The following SAMD12 variants were observed in gnomAD, a reference collection of about 807,000 sequenced individuals.
SAMD12 encodes the protein sterile alpha motif domain-containing protein 12.
Under a neutral mutation model 15.0 loss-of-function variants are expected in SAMD12, and 9 were observed. That is an observed-to-expected ratio of 0.60 (90% confidence interval 0.36 to 1.05). The LOEUF (loss-of-function observed/expected upper bound fraction) is 1.05. Ranked by LOEUF, SAMD12 falls within the 50% of genes least tolerant of loss-of-function variation. SAMD12 has a pLI of 0.01. For missense variants in SAMD12, 230 were observed against 234.2 expected, an observed-to-expected ratio of 0.98 and a Z score of 0.12; for synonymous variants, 86 against 90.1, an observed-to-expected ratio of 0.96 and a Z score of 0.25.
intron 1 of SAMD12, chr8:118,621,596 T>C (rs1265781160): frequency 1.9e-5 from 12 of 616,328 alleles, no homozygotes; most frequent in East Asian, 8.2e-5. Context: ...CCTACGCACC[T>C]ACCCTTCACG....
intron 1 of SAMD12, among the ~76,000 whole-genome samples, chr8:118,583,579 CT>C (rs550221688): frequency 1.3e-3 from 191 of 152,188 alleles, no homozygotes; most frequent in African/African-American, 4.6e-3. Context: ...TTCTCTTCCC[CT>C]ATCACCTCCC....
At chr8:118,414,141 TAA>T (rs1455386331) in intron 3 of SAMD12, among the ~76,000 whole-genome samples, 2 of 152,242 alleles carry the variant, frequency 1.3e-5, no homozygotes, top group African/African-American at 4.8e-5. Flanking sequence ...CATGCGTATA[TAA>T]AGAGTTAGCA....
In SAMD12 at chr8:118,321,144, A is replaced by AATATATAT. The variant is rs4053452; in HGVS notation, c.433+58408_433+58415dup. Reference sequence around the variant, plus strand: ...TATAACATATATATCATAGATAATAAATATATATATATATATATATATATA... The same window carrying AATATATAT: ...TATAACATATATATCATAGATAATAAATATATATATATATATATATATATATATATATA... On this transcript the variant is annotated intron_variant, in intron 4 of 4. Coordinates refer to the SAMD12 transcript ENST00000409003. Among the ~76,000 whole-genome samples, 261 of 94,406 alleles carry AATATATAT rather than the reference A, an allele frequency of 2.8e-3. 1 individual carries two copies. Among genetic ancestry groups the AATATATAT allele is most frequent in the Middle Eastern group, 6.8e-3 (1 of 148 alleles). The allele number at this position is 94,406 out of a possible 152,430, so 61.9% of individuals were successfully genotyped here.
chr8:118,571,029 C>G (rs1826997381), intron 2 of SAMD12, among the ~76,000 whole-genome samples: 1 of 152,130 alleles, frequency 6.6e-6, no homozygotes, highest in Non-Finnish European at 1.5e-5. Flanking sequence ...CCCATTAAGC[C>G]TCTTTCTTTT....
chr8:118,388,117 A>T (rs1327949560), intron 3 of SAMD12, among the ~76,000 whole-genome samples: 1 of 152,220 alleles, frequency 6.6e-6, no homozygotes, highest in Non-Finnish European at 1.5e-5. Context: ...GGTTAGTAGG[A>T]AGAGCATTCA....
At chr8:118,447,195 A>G (rs915972646) in intron 2 of SAMD12, among the ~76,000 whole-genome samples, 10 of 152,266 alleles carry the variant, frequency 6.6e-5, no homozygotes, top group African/African-American at 2.4e-4. Context: ...ACATTGCTAC[A>G]ATCCTGATTG....
At chr8:118,555,228 G>A (rs1826491290) in intron 2 of SAMD12, among the ~76,000 whole-genome samples, 1 of 152,124 alleles carries the variant, frequency 6.6e-6, no homozygotes, top group South Asian at 2.1e-4. Flanking sequence ...TCTTTTCAGG[G>A]AACATACTGA....
downstream of SAMD12, among the ~76,000 whole-genome samples, chr8:118,188,841 GA>G (rs1294434018): frequency 2.0e-5 from 3 of 152,096 alleles, no homozygotes; most frequent in Non-Finnish European, 2.9e-5. Context: ...GGGTATTGCG[GA>G]TGTTTGCCGC....
At chr8:118,449,542 T>C (rs1486864455) in intron 2 of SAMD12, among the ~76,000 whole-genome samples, 1 of 150,556 alleles carries the variant, frequency 6.6e-6, no homozygotes, top group Non-Finnish European at 1.5e-5. Context: ...CCGGGCGTGG[T>C]GGCTCACACC....
chr8:118,274,250 A>T (rs1001123784), intron 4 of SAMD12, among the ~76,000 whole-genome samples: 1 of 152,122 alleles, frequency 6.6e-6, no homozygotes, highest in African/African-American at 2.4e-5. Flanking sequence ...AAATAGGAGA[A>T]TTTGGTCAAA....
intron 2 of SAMD12, among the ~76,000 whole-genome samples, chr8:118,569,023 G>T (rs1457937010): frequency 6.6e-6 from 1 of 152,116 alleles, no homozygotes; most frequent in Non-Finnish European, 1.5e-5. Context: ...TGTATACTAA[G>T]ATATTTGTTT....
intron 2 of SAMD12, among the ~76,000 whole-genome samples, chr8:118,509,371 G>A (rs1435163403): frequency 6.6e-6 from 1 of 152,178 alleles, no homozygotes; most frequent in Non-Finnish European, 1.5e-5. Context: ...GTACAGGTGG[G>A]CCAGGAAACT....
intron 1 of SAMD12, among the ~76,000 whole-genome samples, chr8:118,607,331 G>A (rs890487867): frequency 2.6e-5 from 4 of 152,060 alleles, no homozygotes; most frequent in African/African-American, 9.7e-5. Context: ...CGCCTCCCGG[G>A]TTTAAGTGAT....
intron 2 of SAMD12, among the ~76,000 whole-genome samples, chr8:118,519,870 T>A (rs2131088294): frequency 6.6e-6 from 1 of 152,314 alleles, no homozygotes; most frequent in South Asian, 2.1e-4. Flanking sequence ...ATAATTTGAC[T>A]AATAAAGCCA....
At chr8:118,203,557 C>T (rs1237077219) in intron 4 of SAMD12, among the ~76,000 whole-genome samples, 4 of 151,766 alleles carry the variant, frequency 2.6e-5, no homozygotes, top group Middle Eastern at 3.4e-3. Flanking sequence ...GATACAGGTC[C>T]TTGTTTCTAT....
intron 2 of SAMD12, among the ~76,000 whole-genome samples, chr8:118,535,152 GTT>G (rs769540744): frequency 2.6e-5 from 4 of 152,272 alleles, no homozygotes; most frequent in East Asian, 3.9e-4. Context: ...CTGTTTGTTA[GTT>G]TTCCTTCTAA....
At chr8:118,348,583 A>G (rs1817791333) in intron 4 of SAMD12, among the ~76,000 whole-genome samples, 1 of 152,056 alleles carries the variant, frequency 6.6e-6, no homozygotes, top group East Asian at 1.9e-4. Flanking sequence ...CGTGTTCGCT[A>G]GGATGGTCTT....
Position 118,586,836 on chromosome 8 carries a change from T to C in SAMD12, c.14-5943A>G, listed in dbSNP as rs559591781. On this transcript the variant is annotated intron_variant, in intron 1 of 3. Transcript: ENST00000314727. ...TCAATCATTGTTTATAGACTGAGCA[T>C]AGATATGATGGAAAGATACTGATTG... Among the ~76,000 whole-genome samples the C allele has an allele frequency of 9.8e-5, 15 of 152,322 alleles. No individual in the cohort carries two copies. The South Asian group carries it at 3.1e-3, about 32-fold the overall frequency.
intron 2 of SAMD12, among the ~76,000 whole-genome samples, chr8:118,550,709 C>T (rs1826301150): frequency 6.6e-6 from 1 of 151,634 alleles, no homozygotes; most frequent in African/African-American, 2.4e-5. Flanking sequence ...GGACTAAATG[C>T]TCCAATTAAA....
Sources: allele counts gnomAD v4.1 joint callset (sites outside exome capture counted in the v4.1 genomes callset), GRCh38; gene constraint gnomAD v4.1.1; transcripts MANE v1.5; gene names NCBI Gene and HGNC (gene_info 2026-07-23, HGNC 2026-07-21).